Variants in VWC2 observed in about 807,000 individuals in gnomAD.
VWC2 encodes the protein brorin.
VWC2 carries 14 observed loss-of-function variants against 29.8 expected under a neutral mutation model. The ratio of observed to expected loss-of-function variants is 0.47; its 90% CI spans 0.31 to 0.74. The LOEUF (loss-of-function observed/expected upper bound fraction) is 0.74. Ranked by LOEUF, VWC2 falls within the 30% of genes least tolerant of loss-of-function variation. The probability of loss-of-function intolerance (pLI) is 0.05; values close to 1 mark genes in which losing one functional copy is unlikely to be tolerated. For synonymous variants in VWC2, 213 were observed against 199.0 expected (o/e 1.07, Z -0.59); for missense variants, 457 against 459.8 (o/e 0.99, Z 0.05).
chr7:49,802,170 T>C (rs1788752722), intron 2 of VWC2, among the ~76,000 whole-genome samples: 1 of 152,262 alleles, frequency 6.6e-6, no homozygotes, highest in African/African-American at 2.4e-5. Context: ...ACAGTGGCTC[T>C]GGCTGGACAG....
chr7:49,864,335 T>C (rs1790792350), intron 3 of VWC2, among the ~76,000 whole-genome samples: 1 of 152,138 alleles, frequency 6.6e-6, no homozygotes, highest in East Asian at 1.9e-4. Context: ...GGACCTTCCT[T>C]CACCCCTTAA....
chr7:49,804,330 C>T (rs969906824), intron 3 of VWC2, among the ~76,000 whole-genome samples: 3 of 151,982 alleles, frequency 2.0e-5, no homozygotes, highest in Admixed American at 6.6e-5. Context: ...GGCAGAGTCT[C>T]GGTGTGGCTT....
chr7:49,890,806 C>T (rs1792096681), intron 3 of VWC2, among the ~76,000 whole-genome samples: 1 of 151,934 alleles, frequency 6.6e-6, no homozygotes. Flanking sequence ...GAAAGGAAGG[C>T]TCACTGAGAT....
At chr7:49,861,820 C>T (rs1790661815) in intron 3 of VWC2, among the ~76,000 whole-genome samples, 2 of 152,164 alleles carry the variant, frequency 1.3e-5, no homozygotes, top group South Asian at 4.1e-4. Flanking sequence ...TCTGGGTTTA[C>T]TTTTGGACTC....
In VWC2 at chr7:49,843,188, C is replaced by T. The variant is rs532519820; in HGVS notation, c.826+40348C>T. Reference sequence around the variant, plus strand: ...CAGTTTTCTGTGAACTTCTTGCTTACTGTAACCAATAAGAAGTGGAAAATA... The same window carrying T: ...CAGTTTTCTGTGAACTTCTTGCTTATTGTAACCAATAAGAAGTGGAAAATA... On this transcript the variant is annotated intron_variant, in intron 3 of 3. Coordinates refer to ENST00000340652, the MANE Select transcript of VWC2 (RefSeq NM_198570.5). 4.6e-5 allele frequency among the ~76,000 whole-genome samples: 7 copies of T among 152,314 alleles called. No homozygotes were observed. In the East Asian group the frequency reaches 7.7e-4, roughly 17 times the overall value.
chr7:49,877,481 A>AAAATATACATAC, intron 3 of VWC2, among the ~76,000 whole-genome samples: 3 of 12,722 alleles, frequency 2.4e-4, no homozygotes, highest in African/African-American at 8.3e-4. Flanking sequence ...AAAAAAAAAA[A>AAAATATACATAC]ATATATATAT....
At chr7:49,881,684 A>G (rs1463789810) in intron 3 of VWC2, among the ~76,000 whole-genome samples, 1 of 152,130 alleles carries the variant, frequency 6.6e-6, no homozygotes, top group Non-Finnish European at 1.5e-5. Flanking sequence ...TTTTCCCTAA[A>G]AGTCTTTGGT....
At chr7:49,875,346 G>C (rs1359578154) in intron 3 of VWC2, among the ~76,000 whole-genome samples, 2 of 98,512 alleles carry the variant, frequency 2.0e-5, no homozygotes, top group Non-Finnish European at 3.7e-5. Flanking sequence ...CTCCAGCCTG[G>C]GTAACAGAGT....
intron 3 of VWC2, among the ~76,000 whole-genome samples, chr7:49,824,713 T>A (rs1789352840): frequency 6.6e-6 from 1 of 152,182 alleles, no homozygotes; most frequent in Non-Finnish European, 1.5e-5. Context: ...TATTTAGATA[T>A]TTTAAAATTT....
At position 49,915,206 on chromosome 7, in the gene VWC2, T is replaced by C. The variant is rs1424343087; in HGVS notation, c.*3021T>C. 2.6e-5 allele frequency: 4 copies of C among 152,204 alleles called. No individual in the cohort carries two copies. Among genetic ancestry groups the C allele is most frequent in the Non-Finnish European group, 4.4e-5 (3 of 68,032 alleles). 9.4% of individuals were successfully genotyped at this position (152,204 alleles called of 1,614,324 possible). On this transcript the variant is annotated 3_prime_UTR_variant, in exon 4 of 4. Coordinates refer to ENST00000340652, the MANE Select transcript of VWC2 (RefSeq NM_198570.5). Reference sequence around the variant, plus strand: ...GAAAAGTCATTTCAAAAACTTGTATTTCATCCCTGCATGCAAGAAGTATTA... The same window carrying C: ...GAAAAGTCATTTCAAAAACTTGTATCTCATCCCTGCATGCAAGAAGTATTA...
chr7:49,896,073 G>A (rs1163594014), intron 3 of VWC2, among the ~76,000 whole-genome samples: 1 of 152,182 alleles, frequency 6.6e-6, no homozygotes, highest in African/African-American at 2.4e-5. Context: ...CGGTGTGGTG[G>A]CTCACACCTG....
At position 49,896,388 on chromosome 7, in the gene VWC2, G is replaced by A. The variant is rs141931958; in HGVS notation, c.827-15646G>A. ...TCACAACTTGTGAGAGACAGATAAAGCAGTGCTAAAAGGAAAACATATGGA... is the reference window on the plus strand; with the variant it reads ...TCACAACTTGTGAGAGACAGATAAAACAGTGCTAAAAGGAAAACATATGGA... On this transcript the variant is annotated intron_variant, in intron 3 of 3. Transcript: ENST00000340652. Among the ~76,000 whole-genome samples, 45 of 152,186 alleles carry A rather than the reference G, an allele frequency of 3.0e-4. No individual in the cohort carries two copies. In the East Asian group the frequency reaches 8.1e-3, roughly 27 times the overall value.
At chr7:49,785,829 C>A (rs932340377) in intron 2 of VWC2, among the ~76,000 whole-genome samples, 6 of 151,982 alleles carry the variant, frequency 3.9e-5, no homozygotes, top group Non-Finnish European at 7.4e-5. Context: ...AGCTGACCAC[C>A]AAAAAATATT....
At chr7:49,788,119 C>T (rs1306526600) in intron 2 of VWC2, among the ~76,000 whole-genome samples, 1 of 152,210 alleles carries the variant, frequency 6.6e-6, no homozygotes, top group Non-Finnish European at 1.5e-5. Flanking sequence ...AGAAGAGATT[C>T]AGGGCCAGTG....
intron 3 of VWC2, among the ~76,000 whole-genome samples, chr7:49,812,645 C>A (rs1309466393): frequency 6.6e-6 from 1 of 152,204 alleles, no homozygotes; most frequent in Non-Finnish European, 1.5e-5. Context: ...GAAAGTTCCA[C>A]CCAGCAGTGT....
intron 3 of VWC2, among the ~76,000 whole-genome samples, chr7:49,879,898 T>TAA (rs1315743525): frequency 6.6e-6 from 1 of 152,180 alleles, no homozygotes; most frequent in Non-Finnish European, 1.5e-5. Context: ...TATGCAGTCT[T>TAA]ACCAGCAGCA....
At chr7:49,863,490 G>A (rs536899880) in intron 3 of VWC2, among the ~76,000 whole-genome samples, 2 of 152,130 alleles carry the variant, frequency 1.3e-5, no homozygotes, top group East Asian at 1.9e-4. Flanking sequence ...TGGAGTGCAT[G>A]GCATGATCTC....
chr7:49,919,080 A>T lies in VWC2; in HGVS notation c.*6895A>T, dbSNP rs898816217. On this transcript the variant is annotated 3_prime_UTR_variant, in exon 4 of 4. Coordinates refer to ENST00000340652, the MANE Select transcript of VWC2 (RefSeq NM_198570.5). Reference sequence around the variant, plus strand: ...AAAAAAAAAAAAAAATCAGTGATGGAACTGAGGCCAAATCTGTCTGGTTCC... The same window carrying T: ...AAAAAAAAAAAAAAATCAGTGATGGTACTGAGGCCAAATCTGTCTGGTTCC... 3 of 150,596 alleles carry T rather than the reference A, an allele frequency of 2.0e-5. No individual in the cohort carries two copies. Among genetic ancestry groups the T allele is most frequent in the Admixed American group, 6.6e-5 (1 of 15,132 alleles). 9.3% of individuals were successfully genotyped at this position (150,596 alleles called of 1,614,324 possible).
Position 49,776,114 on chromosome 7 carries a change from A to G in VWC2, c.679A>G (p.Thr227Ala). The stretch of plus-strand genomic sequence containing the variant: ...CGAGTTCCGGGGCAAGACCTATCAG[A>G]CTTTGGAGGAGTTCGTGGTAAGATG... The part of the protein sequence containing the change: ...YCEFRGKTYQ[T>A]LEEFVVSPCE... The change falls in exon 2 of 4, where the codon ACT becomes GCT. Residue 227 changes from threonine to alanine, a missense_variant. By Grantham distance (58) the Thr-to-Ala change is moderately conservative. Coordinates refer to ENST00000340652, the MANE Select transcript of VWC2 (RefSeq NM_198570.5). The G allele has an allele frequency of 6.5e-7, 1 of 1,527,628 alleles. No individual in the cohort carries two copies. Among genetic ancestry groups the G allele is most frequent in the South Asian group, 1.2e-5 (1 of 82,772 alleles). 94.6% of individuals were successfully genotyped at this position (1,527,628 alleles called of 1,614,324 possible).
Sources: gnomAD v4.1 joint callset for allele counts (sites outside exome capture counted in the v4.1 genomes callset) on GRCh38, gnomAD v4.1.1 for gene constraint, MANE v1.5 for transcripts, NCBI Gene and HGNC (gene_info 2026-07-23, HGNC 2026-07-21) for gene names.